CLEC9A: variants seen among roughly 807,000 people sequenced by gnomAD.
The protein encoded by CLEC9A is C-type lectin domain containing 9A.
A neutral mutation model predicts 30.0 loss-of-function variants in CLEC9A; 24 were observed. The observed-to-expected ratio is 0.80, with a 90% CI of 0.58 to 1.13. The LOEUF is 1.13. Ranked by LOEUF, CLEC9A falls within the 50% of genes most tolerant of loss-of-function variation. The pLI, the probability that CLEC9A is intolerant of heterozygous loss-of-function variation, is 0.00. For missense variants in CLEC9A, 251 were observed against 280.9 expected, an observed-to-expected ratio of 0.89 and a Z score of 0.76; for synonymous variants, 111 against 96.8, an observed-to-expected ratio of 1.15 and a Z score of -0.86.
intron 5 of CLEC9A, among the ~76,000 whole-genome samples, chr12:10,057,261 T>A (rs182359781): frequency 6.6e-6 from 1 of 152,164 alleles, no homozygotes; most frequent in Admixed American, 6.5e-5. Context: ...TGTTCCATTT[T>A]AAATTAAAAT....
intron 1 of CLEC9A, among the ~76,000 whole-genome samples, chr12:10,040,452 A>ATTTT (rs11452760): frequency 7.3e-6 from 1 of 137,138 alleles, no homozygotes; most frequent in Non-Finnish European, 1.6e-5. Context: ...TACATTGGCA[A>ATTTT]TTTTTTTTTT....
At chr12:10,063,735 G>C (rs1866017030) in intron 7 of CLEC9A, among the ~76,000 whole-genome samples, 2 of 152,188 alleles carry the variant, frequency 1.3e-5, no homozygotes, top group Admixed American at 6.5e-5. Flanking sequence ...AAGTGAATAG[G>C]CTGGGCGGGG....
At chr12:10,056,141 G>C (rs1865941433) in intron 5 of CLEC9A, among the ~76,000 whole-genome samples, 3 of 144,518 alleles carry the variant, frequency 2.1e-5, no homozygotes, top group Non-Finnish European at 4.5e-5. Flanking sequence ...GTATACCTAA[G>C]TGTCTTCTCC....
At chr12:10,054,015 A>T (rs929011471) in intron 4 of CLEC9A, among the ~76,000 whole-genome samples, 5 of 152,200 alleles carry the variant, frequency 3.3e-5, no homozygotes, top group Non-Finnish European at 4.4e-5. Flanking sequence ...AAAGATAAGG[A>T]TAACAGAAGT....
chr12:10,061,063 G>A, intron 5 of CLEC9A, 64 bp from the exon 6 acceptor site: 1 of 1,560,140 alleles, frequency 6.4e-7, no homozygotes, highest in African/African-American at 1.4e-5. Context: ...TTTAGTCTGT[G>A]TTGAAGGATT....
At chr12:10,053,489 G>T (rs1248058171) in intron 4 of CLEC9A, among the ~76,000 whole-genome samples, 3 of 152,128 alleles carry the variant, frequency 2.0e-5, no homozygotes, top group Non-Finnish European at 2.9e-5. Context: ...CCATTATCAT[G>T]CCATGCTCTG....
At chr12:10,059,003 G>A (rs1053068606) in intron 5 of CLEC9A, among the ~76,000 whole-genome samples, 3 of 152,050 alleles carry the variant, frequency 2.0e-5, no homozygotes, top group East Asian at 3.8e-4. Context: ...TGGCTGACAC[G>A]CATAGGTGTT....
In CLEC9A at chr12:10,040,343, C is replaced by T. The variant is rs991935840; in HGVS notation, c.-317-1123C>T. 2.6e-5 allele frequency among the ~76,000 whole-genome samples: 4 copies of T among 152,170 alleles called. No homozygotes were observed. In the East Asian group the frequency reaches 5.8e-4, roughly 22 times the overall value. ...CTCCTTCAAACAGTTCACTTATTAA[C>T]CCTCAGGTGTCAGTTTTGTGTATTT... On this transcript the variant is annotated intron_variant, in intron 1 of 8. Coordinates refer to ENST00000355819, the MANE Select transcript of CLEC9A (RefSeq NM_207345.4).
At chr12:10,034,619 T>A (rs1865728842) in intron 1 of CLEC9A, among the ~76,000 whole-genome samples, 1 of 152,222 alleles carries the variant, frequency 6.6e-6, no homozygotes, top group African/African-American at 2.4e-5. Flanking sequence ...GAAACATGCC[T>A]GGGACTTCCA....
chr12:10,063,265 A>G, intron 7 of CLEC9A, 59 bp downstream of exon 7: 1 of 1,409,444 alleles, frequency 7.1e-7, no homozygotes, highest in Non-Finnish European at 9.3e-7. Flanking sequence ...TTATTAAAAG[A>G]AATCCCTCAT....
chr12:10,038,077 C>T (rs952559444), intron 1 of CLEC9A, among the ~76,000 whole-genome samples: 9 of 152,112 alleles, frequency 5.9e-5, no homozygotes, highest in African/African-American at 9.7e-5. Flanking sequence ...ACCCAGCTTA[C>T]GACTGGGAAC....
chr12:10,033,945 A>T (rs1865723044), intron 1 of CLEC9A, among the ~76,000 whole-genome samples: 1 of 152,280 alleles, frequency 6.6e-6, no homozygotes, highest in Non-Finnish European at 1.5e-5. Context: ...AAACAAAAAT[A>T]AACTAAAAGC....
At chr12:10,035,035 A>G (rs1327524794) in intron 1 of CLEC9A, among the ~76,000 whole-genome samples, 1 of 152,124 alleles carries the variant, frequency 6.6e-6, no homozygotes, top group Non-Finnish European at 1.5e-5. Flanking sequence ...CAAAAGGGTG[A>G]TGGTTTTCCC....
chr12:10,040,205 A>G (rs547672191), intron 1 of CLEC9A, among the ~76,000 whole-genome samples: 1 of 152,362 alleles, frequency 6.6e-6, no homozygotes, highest in Non-Finnish European at 1.5e-5. Flanking sequence ...CAAGGAACAG[A>G]AAATGAGTTC....
intron 5 of CLEC9A, chr12:10,060,683 A>G (rs1343830295): frequency 5.4e-6 from 1 of 185,786 alleles, no homozygotes; most frequent in Non-Finnish European, 1.1e-5. Context: ...TTGCATGTCT[A>G]TGTACTGATA....
At position 10,054,312 on chromosome 12, in the gene CLEC9A, A is replaced by T; in HGVS notation, c.133A>T (p.Met45Leu). The change falls in exon 5 of 9, where the codon ATG (methionine) becomes TTG (leucine). Residue 45 changes from methionine (M) to leucine (L), a missense_variant. Physicochemically the swap from Met to Leu is conservative, Grantham distance 15. Transcript: ENST00000355819. ...GATGGTGATTTCATGTGTTTTCTGC[A>T]TGGGATTATTAACAGCATCCATTTT... ...LVMVISCVFC[M>L]GLLTASIFLG... The T allele has an allele frequency of 6.2e-7, 1 of 1,613,218 alleles. No homozygotes were observed. The highest frequency in any genetic ancestry group is 8.5e-7 in the Non-Finnish European group (1 of 1,179,462).
chr12:10,063,011 A>C, intron 6 of CLEC9A, 44 bp from the exon 7 acceptor site: 1 of 1,533,696 alleles, frequency 6.5e-7, no homozygotes, highest in Non-Finnish European at 8.8e-7. Flanking sequence ...TATGTTGTTA[A>C]TATTTTACAA....
At chr12:10,031,270 G>C (rs1865693208) in intron 1 of CLEC9A, among the ~76,000 whole-genome samples, 1 of 152,194 alleles carries the variant, frequency 6.6e-6, no homozygotes, top group Non-Finnish European at 1.5e-5. Context: ...TATTTCAATG[G>C]CCTGATACTG....
chr12:10,051,483 G>A (rs531831906), intron 2 of CLEC9A, among the ~76,000 whole-genome samples: 1 of 152,258 alleles, frequency 6.6e-6, no homozygotes, highest in African/African-American at 2.4e-5. Flanking sequence ...CAGTGCATAT[G>A]TCACACCCCT....
Sources: allele counts gnomAD v4.1 joint callset (sites outside exome capture counted in the v4.1 genomes callset), GRCh38; gene constraint gnomAD v4.1.1; transcripts MANE v1.5; gene names NCBI Gene and HGNC (gene_info 2026-07-23, HGNC 2026-07-21).